MCTP1: variants seen among roughly 807,000 people sequenced by gnomAD.
MCTP1 encodes the protein multiple C2 and transmembrane domain-containing protein 1.
A neutral mutation model predicts 120.6 loss-of-function variants in MCTP1; 69 were observed. The ratio of observed to expected loss-of-function variants is 0.57; its 90% CI spans 0.47 to 0.70. The LOEUF (loss-of-function observed/expected upper bound fraction) is 0.70, where lower values mean the gene tolerates loss of function less well. MCTP1 is among the 30% of genes least tolerant of loss of function. The probability of loss-of-function intolerance (pLI) is 0.00; values close to 1 mark genes in which losing one functional copy is unlikely to be tolerated. For synonymous variants in MCTP1, 529 were observed against 493.1 expected, an observed-to-expected ratio of 1.07 and a Z score of -0.96; for missense variants, 1,203 against 1,248.8, an observed-to-expected ratio of 0.96 and a Z score of 0.55.
intron 17 of MCTP1, among the ~76,000 whole-genome samples, chr5:94,808,190 G>C (rs1782739635): frequency 6.6e-6 from 1 of 152,154 alleles, no homozygotes; most frequent in African/African-American, 2.4e-5. Context: ...TAAATAGCCA[G>C]ATGGCACCAC....
In MCTP1 at chr5:94,824,370, A is replaced by C. The variant is rs1368563586; in HGVS notation, c.2437-25238T>G. On this transcript the variant is annotated intron_variant, in intron 17 of 22. Coordinates refer to ENST00000515393, the MANE Select transcript of MCTP1 (RefSeq NM_024717.7). ...TTTATTGATCTGCATATGTTGAACC[A>C]GCCTTGCATCCCAGGGATGAAGCTG... is the stretch of plus-strand genomic sequence containing the variant. Among the ~76,000 whole-genome samples, 3 of 152,254 alleles carry C rather than the reference A, an allele frequency of 2.0e-5. No individual in the cohort carries two copies. The East Asian group carries it at 5.8e-4, about 29-fold the overall frequency.
chr5:95,229,997 G>C (rs1257930469), intron 1 of MCTP1, among the ~76,000 whole-genome samples: 1 of 151,954 alleles, frequency 6.6e-6, no homozygotes, highest in African/African-American at 2.4e-5. Flanking sequence ...CAGCATAATG[G>C]AGAAGAAAAG....
chr5:94,961,267 T>A (rs1824094479), intron 2 of MCTP1, among the ~76,000 whole-genome samples: 2 of 126,068 alleles, frequency 1.6e-5, no homozygotes, highest in African/African-American at 6.1e-5. Flanking sequence ...CACTGGGGGC[T>A]GTTGGGGGGT....
chr5:94,991,397 A>G (rs79756268), intron 2 of MCTP1, among the ~76,000 whole-genome samples: 296 of 152,340 alleles, frequency 1.9e-3, no homozygotes, highest in Non-Finnish European at 3.7e-3. Flanking sequence ...CAGAGCAGTG[A>G]AACTGAAATC....
intron 1 of MCTP1, among the ~76,000 whole-genome samples, chr5:95,259,369 C>G (rs1388244321): frequency 1.3e-5 from 2 of 152,134 alleles, no homozygotes; most frequent in African/African-American, 4.8e-5. Flanking sequence ...TGGTATCCTG[C>G]CCAATATGCC....
intron 1 of MCTP1, among the ~76,000 whole-genome samples, chr5:95,108,548 T>C (rs1318497180): frequency 6.6e-6 from 1 of 152,180 alleles, no homozygotes; most frequent in Admixed American, 6.5e-5. Context: ...CCTAGGCAGC[T>C]CTCAAAGTCT....
At chr5:95,110,728 C>T (rs1285031148) in intron 1 of MCTP1, among the ~76,000 whole-genome samples, 1 of 152,032 alleles carries the variant, frequency 6.6e-6, no homozygotes, top group Non-Finnish European at 1.5e-5. Flanking sequence ...TATCATGTTC[C>T]CAGGATCCCA....
chr5:95,131,371 T>A (rs1759034282), intron 1 of MCTP1, among the ~76,000 whole-genome samples: 1 of 152,214 alleles, frequency 6.6e-6, no homozygotes, highest in Non-Finnish European at 1.5e-5. Context: ...GGCTTGATTT[T>A]AATAGACCTG....
At chr5:95,139,861 GA>G (rs1433314290) in intron 1 of MCTP1, among the ~76,000 whole-genome samples, 1 of 152,156 alleles carries the variant, frequency 6.6e-6, no homozygotes, top group African/African-American at 2.4e-5. Context: ...AATAATAAAT[GA>G]ATAACGGAAT....
chr5:95,100,946 G>A (rs1756675995), intron 1 of MCTP1, among the ~76,000 whole-genome samples: 2 of 152,096 alleles, frequency 1.3e-5, no homozygotes, highest in African/African-American at 4.8e-5. Flanking sequence ...AAGGAACCAG[G>A]GATTCCTAAA....
intron 1 of MCTP1, among the ~76,000 whole-genome samples, chr5:95,030,687 A>G (rs1278176777): frequency 6.6e-6 from 1 of 152,242 alleles, no homozygotes; most frequent in African/African-American, 2.4e-5. Context: ...TCTCATAGAA[A>G]TGATGGCGAA....
chr5:94,930,277 T>TA (rs1488438494), intron 6 of MCTP1, among the ~76,000 whole-genome samples: 3 of 138,956 alleles, frequency 2.2e-5, no homozygotes, highest in African/African-American at 8.2e-5. Flanking sequence ...ATTTTTTTTT[T>TA]TTTTTTTTTT....
intron 19 of MCTP1, among the ~76,000 whole-genome samples, chr5:94,730,782 C>T (rs1023905266): frequency 6.6e-6 from 1 of 152,178 alleles, no homozygotes; most frequent in African/African-American, 2.4e-5. Context: ...TGGTAACACC[C>T]TATTCCCAGA....
At chr5:94,953,848 A>T (rs373374391) in intron 2 of MCTP1, among the ~76,000 whole-genome samples, 1 of 81,306 alleles carries the variant, frequency 1.2e-5, no homozygotes, top group African/African-American at 5.2e-5. Flanking sequence ...TATATACACA[A>T]CTATATATAT....
At chr5:94,967,488 G>C (rs1825896007) in intron 2 of MCTP1, among the ~76,000 whole-genome samples, 1 of 152,178 alleles carries the variant, frequency 6.6e-6, no homozygotes, top group Non-Finnish European at 1.5e-5. Context: ...TGCTACACTA[G>C]GCTGTCTCCA....
intron 1 of MCTP1, among the ~76,000 whole-genome samples, chr5:95,255,187 T>C (rs1455928867): frequency 6.6e-6 from 1 of 152,182 alleles, no homozygotes; most frequent in African/African-American, 2.4e-5. Context: ...TAAAGATCTT[T>C]CCAAAGATGA....
chr5:94,842,282 G>C (rs1399090656), intron 17 of MCTP1, among the ~76,000 whole-genome samples: 2 of 152,154 alleles, frequency 1.3e-5, no homozygotes, highest in African/African-American at 4.8e-5. Flanking sequence ...CTTATTGAGA[G>C]ACTATTAGTA....
chr5:95,132,273 T>C (rs1481213420), intron 1 of MCTP1, among the ~76,000 whole-genome samples: 1 of 152,200 alleles, frequency 6.6e-6, no homozygotes, highest in South Asian at 2.1e-4. Context: ...AGTGTTTTGT[T>C]TTGCCAGCAC....
At chr5:94,859,515 T>A (rs1665797981) in intron 17 of MCTP1, among the ~76,000 whole-genome samples, 2 of 151,754 alleles carry the variant, frequency 1.3e-5, no homozygotes, top group Non-Finnish European at 2.9e-5. Flanking sequence ...TCTGATTTTA[T>A]CATTACACAT....
Sources: gnomAD v4.1 joint callset for allele counts (sites outside exome capture counted in the v4.1 genomes callset) on GRCh38, gnomAD v4.1.1 for gene constraint, MANE v1.5 for transcripts, NCBI Gene and HGNC (gene_info 2026-07-23, HGNC 2026-07-21) for gene names.